Variants in PPP2R5C observed in about 807,000 individuals in gnomAD.
PPP2R5C encodes serine/threonine-protein phosphatase 2A 56 kDa regulatory subunit gamma isoform.
A neutral mutation model predicts 68.9 loss-of-function variants in PPP2R5C; 7 were observed. The observed-to-expected ratio is 0.10, with a 90% confidence interval of 0.06 to 0.19. PPP2R5C has a LOEUF of 0.19. Ranked by LOEUF, PPP2R5C falls within the 10% of genes least tolerant of loss-of-function variation. The pLI, the probability that PPP2R5C is intolerant of heterozygous loss-of-function variation, is 1.00. For synonymous variants in PPP2R5C, 210 were observed against 222.2 expected (o/e 0.95, Z 0.49); for missense variants, 348 against 641.3 (o/e 0.54, Z 4.94).
At chr14:101,761,624 C>CGGGG (rs1336409637), upstream of PPP2R5C, among the ~76,000 whole-genome samples, 3 of 5,412 alleles carry the variant, frequency 5.5e-4, no homozygotes, top group Admixed American at 2.2e-3. Context: ...GGCGGCCGGC[C>CGGGG]GGGGGGTGGG....
intron 1 of PPP2R5C, among the ~76,000 whole-genome samples, chr14:101,828,226 G>A (rs1442737280): frequency 1.3e-5 from 2 of 152,144 alleles, no homozygotes; most frequent in African/African-American, 4.8e-5. Context: ...ATTAGAGGTT[G>A]CCAGGGGCTG....
rs111650439 is a variant in PPP2R5C, at chr14:101,883,371, AC to A, written c.498+23del. On this transcript the variant is annotated intron_variant, in intron 4 of 13. Transcript: ENST00000334743. ...GCAGGTAAGGTACAAATTAGCTGAC[AC>A]TCTGAAAGCCCTGATGGAATGATGA... The A allele has an allele frequency of 4.0e-3, 6,422 of 1,607,854 alleles. 235 individuals are homozygous for A. In the African/African-American group the frequency reaches 0.078, roughly 20 times the overall value.
In PPP2R5C at chr14:101,899,947, C is replaced by G. The variant is rs901966264; in HGVS notation, c.853-1772C>G. Among the ~76,000 whole-genome samples the G allele has an allele frequency of 3.9e-5, 6 of 152,076 alleles. No individual in the cohort carries two copies. The East Asian group carries it at 1.2e-3, about 29-fold the overall frequency. Reference sequence around the variant, plus strand: ...TTGTTAGATTCTTGGAGTACAGTGGCGCAGTCATGGCTCACTGCAGCCTCA... The same window carrying G: ...TTGTTAGATTCTTGGAGTACAGTGGGGCAGTCATGGCTCACTGCAGCCTCA... On this transcript the variant is annotated intron_variant, in intron 8 of 13. Coordinates refer to ENST00000334743, the Ensembl canonical transcript of PPP2R5C. This position sits in a 1 kb window ranked among gnomAD's most constrained non-coding sequence, Gnocchi z 4.2.
intron 5 of PPP2R5C, among the ~76,000 whole-genome samples, chr14:101,884,859 G>A (rs1005651864): frequency 3.9e-5 from 6 of 152,242 alleles, no homozygotes; most frequent in Admixed American, 6.5e-5. Context: ...TTTGTCGCAC[G>A]CCCCACCCCA....
rs1024434525 is a variant in PPP2R5C, at chr14:101,915,069, T to G, written c.1326+2596T>G. Among the ~76,000 whole-genome samples, 4 of 150,660 alleles carry G rather than the reference T, an allele frequency of 2.7e-5. No homozygotes were observed. The highest frequency in any genetic ancestry group is 1.3e-4 in the Admixed American group (2 of 15,218). ...GGTTTTTGTTTTGGTTTGGTTTGGTTTGGTTTGATTTGGTTTGGTTTGTTT... is the reference window on the plus strand; with the variant it reads ...GGTTTTTGTTTTGGTTTGGTTTGGTGTGGTTTGATTTGGTTTGGTTTGTTT... On this transcript the variant is annotated intron_variant, in intron 12 of 13. Coordinates refer to ENST00000334743, the Ensembl canonical transcript of PPP2R5C. This position sits in a 1 kb window ranked among gnomAD's most constrained non-coding sequence, Gnocchi z 4.2.
chr14:101,809,824 A>G, upstream of PPP2R5C: 2 of 1,419,994 alleles, frequency 1.4e-6, no homozygotes, highest in East Asian at 2.7e-5. Flanking sequence ...TGCTGACATC[A>G]CGAACCAGCC....
At chr14:101,924,443 A>ATTTTTTTTTTTTTTTTTTTTTTTTTTTT (rs2047175999) in intron 13 of PPP2R5C, among the ~76,000 whole-genome samples, 3 of 56,892 alleles carry the variant, frequency 5.3e-5, no homozygotes, top group African/African-American at 2.5e-4. Flanking sequence ...AAATTTCTAC[A>ATTTTTTTTTTTTTTTTTTTTTTTTTTTT]TCTTTTTTTT....
rs1227472973 is a variant in PPP2R5C at position 101,879,729 on chromosome 14, C to A, written c.295-2432C>A. ...GTCCTGTGGGTGACTGGACCCTCAC[C>A]CCAGTCTCTTGGCTTTGAGAGAGAG... On this transcript the variant is annotated intron_variant, in intron 2 of 13. Coordinates refer to ENST00000334743, the Ensembl canonical transcript of PPP2R5C. This position sits in a 1 kb window ranked among gnomAD's most constrained non-coding sequence, Gnocchi z 4.2. Among the ~76,000 whole-genome samples the A allele has an allele frequency of 6.6e-6, 1 of 152,180 alleles. No homozygotes were observed. The highest frequency in any genetic ancestry group is 1.5e-5 in the Non-Finnish European group (1 of 68,040).
chr14:101,779,491 A>G (rs1006517863), intron 2 of PPP2R5C, among the ~76,000 whole-genome samples: 2 of 152,124 alleles, frequency 1.3e-5, no homozygotes, highest in African/African-American at 4.8e-5. Context: ...AGAGTTTGGG[A>G]ACGGGAAGAG....
rs1354278835 is a variant in PPP2R5C at position 101,883,421 on chromosome 14, T to C, written c.499-11T>C. ...GACACCCAGCCACTAAGTGTCTTTTTCTTCTCAAAGCTTTTAGAGCTCTTT... is the reference window on the plus strand; with the variant it reads ...GACACCCAGCCACTAAGTGTCTTTTCCTTCTCAAAGCTTTTAGAGCTCTTT... On this transcript the variant is annotated splice_polypyrimidine_tract_variant and intron_variant, in intron 4 of 13. Coordinates refer to ENST00000334743, the Ensembl canonical transcript of PPP2R5C. 1 of 1,612,440 alleles carries C rather than the reference T, an allele frequency of 6.2e-7. No individual in the cohort carries two copies. The highest frequency in any genetic ancestry group is 1.3e-5 in the African/African-American group (1 of 74,708).
rs2043845632 is a variant in PPP2R5C, at chr14:101,877,315, T to C, written c.295-4846T>C. ...GCTGTTTGGTCTGAGGTCCTTCTTC[T>C]AGGTGGGAAGAGGGTGTAGAGAGAC... is the stretch of plus-strand genomic sequence containing the variant. On this transcript the variant is annotated intron_variant, in intron 2 of 13. Coordinates refer to ENST00000334743, the Ensembl canonical transcript of PPP2R5C. The surrounding 1 kb of genome is among the most constrained non-coding windows in gnomAD (Gnocchi z 4.2). Among the ~76,000 whole-genome samples, 1 of 152,112 alleles carries C rather than the reference T, an allele frequency of 6.6e-6. No homozygotes were observed. The highest frequency in any genetic ancestry group is 2.4e-5 in the African/African-American group (1 of 41,412).
intron 13 of PPP2R5C, among the ~76,000 whole-genome samples, chr14:101,920,436 C>G (rs757467391): frequency 2.0e-5 from 3 of 152,188 alleles, no homozygotes; most frequent in African/African-American, 4.8e-5. Flanking sequence ...TGTCTGCTTC[C>G]TTGTTTTCAC....
intron 5 of PPP2R5C, among the ~76,000 whole-genome samples, chr14:101,886,569 A>G (rs1290416053): frequency 6.6e-6 from 1 of 151,824 alleles, no homozygotes; most frequent in Non-Finnish European, 1.5e-5. Context: ...TTGTCCTGAT[A>G]CGCGCAGTCA....
intron 1 of PPP2R5C, chr14:101,820,689 A>T (rs568049214): frequency 6.6e-6 from 1 of 152,246 alleles, no homozygotes; most frequent in Admixed American, 6.5e-5. Flanking sequence ...AGCATATCAC[A>T]GCAAGTTGAA....
At chr14:101,766,312 G>A (rs928536154) in intron 2 of PPP2R5C, 4 of 152,160 alleles carry the variant, frequency 2.6e-5, no homozygotes, top group Non-Finnish European at 5.9e-5. Context: ...TTCAGCTTGG[G>A]GGTTAGAAAA....
chr14:101,820,025 T>C (rs188208659), intron 1 of PPP2R5C: 11 of 152,270 alleles, frequency 7.2e-5, no homozygotes, highest in African/African-American at 2.6e-4. Context: ...ATGTGATGTG[T>C]GAGTTATGAG....
At chr14:101,832,630 TTGGGCTTGCATAGATGA>T (rs1292103980) in intron 1 of PPP2R5C, among the ~76,000 whole-genome samples, 5 of 152,120 alleles carry the variant, frequency 3.3e-5, no homozygotes, top group Admixed American at 6.5e-5. Context: ...GGAGACACAC[TTGGGCTTGCATAGATGA>T]AGACAAGTGT....
chr14:101,924,894 A>T (rs749559193), intron 13 of PPP2R5C, among the ~76,000 whole-genome samples: 10 of 152,214 alleles, frequency 6.6e-5, no homozygotes, highest in Non-Finnish European at 1.5e-4. Flanking sequence ...AGCACTGCAC[A>T]TTTCAGAAGA....
intron 1 of PPP2R5C, among the ~76,000 whole-genome samples, chr14:101,821,916 C>A (rs1376456939): frequency 6.6e-6 from 1 of 152,048 alleles, no homozygotes; most frequent in Non-Finnish European, 1.5e-5. Flanking sequence ...TTATGCTTCA[C>A]CAAGCTGCTG....
Sources: gnomAD v4.1 joint callset for allele counts (sites outside exome capture counted in the v4.1 genomes callset) on GRCh38, gnomAD v4.1.1 for gene constraint, Gnocchi (gnomAD v3.1) non-coding constraint, MANE v1.5 for transcripts, NCBI Gene and HGNC (gene_info 2026-07-23, HGNC 2026-07-21) for gene names.